PM20D2: variants seen among roughly 807,000 people sequenced by gnomAD.
PM20D2 encodes the protein xaa-Arg dipeptidase.
In PM20D2, 33 loss-of-function variants were observed where a neutral mutation model predicts 42.9. The observed-to-expected ratio is 0.77, with a 90% CI of 0.58 to 1.03. The LOEUF is 1.03. Among genes scored for constraint, PM20D2 ranks in the 50% least tolerant of loss-of-function variants. The pLI is 0.00. For synonymous variants in PM20D2, 250 were observed against 228.2 expected (o/e 1.10, Z -0.86); for missense variants, 548 against 557.0 (o/e 0.98, Z 0.16).
chr6:89,125,262 C>T, the PM20D2 span, among the ~76,000 whole-genome samples: 2 of 152,204 alleles, frequency 1.3e-5, no homozygotes, highest in African/African-American at 4.8e-5. Context: ...GGGCGGATCA[C>T]GAGGTCAGGA....
At chr6:89,105,661 T>A in the PM20D2 span, 19 of 608,650 alleles carry the variant, frequency 3.1e-5, no homozygotes, top group East Asian at 5.5e-4. Flanking sequence ...TTCAATATAA[T>A]ATGAATAATC....
intron 4 of PM20D2, among the ~76,000 whole-genome samples, 199 bp downstream of exon 4, chr6:89,155,101 G>A (rs1770993470): frequency 6.6e-6 from 1 of 151,964 alleles, no homozygotes. Flanking sequence ...AAGATGACAG[G>A]TCATCTTACT....
rs1771380054 is a variant in PM20D2 at position 89,165,211 on chromosome 6, T to A, written c.*2948T>A. The A allele has an allele frequency of 6.6e-6, 1 of 152,142 alleles. No individual in the cohort carries two copies. The highest frequency in any genetic ancestry group is 2.4e-5 in the African/African-American group (1 of 41,450). 9.4% of individuals were successfully genotyped at this position (152,142 alleles called of 1,614,324 possible). A position where few individuals can be genotyped will look rare whatever the true frequency, so the allele number is the denominator to read the frequency against. ...TTTTAAAAACCTGTCTGATGGTGTT[T>A]TATACATTTCTAACTTTTTACCTGA... On this transcript the variant is annotated 3_prime_UTR_variant, in exon 7 of 7. Transcript: ENST00000275072.
the PM20D2 span, chr6:89,117,979 G>A: frequency 7.2e-6 from 10 of 1,380,550 alleles, no homozygotes; most frequent in South Asian, 4.0e-5. Context: ...GAGCTCCGCC[G>A]GCCCCCGGCG....
chr6:89,128,178 A>G, the PM20D2 span, among the ~76,000 whole-genome samples: 10 of 152,200 alleles, frequency 6.6e-5, no homozygotes, highest in East Asian at 1.7e-3. Context: ...TGGACATGCA[A>G]GTAGGAGAGA....
the PM20D2 span, chr6:89,096,369 TGC>T: frequency 6.6e-6 from 1 of 152,192 alleles, no homozygotes; most frequent in South Asian, 2.1e-4. Flanking sequence ...CAAAAGTAAT[TGC>T]GGGATATTTA....
the PM20D2 span, among the ~76,000 whole-genome samples, chr6:89,122,086 A>T: frequency 6.6e-6 from 1 of 152,212 alleles, no homozygotes; most frequent in Non-Finnish European, 1.5e-5. Flanking sequence ...ATCTATTTAT[A>T]ATGTTTGGTT....
At chr6:89,156,487 A>G (rs553445805) in intron 4 of PM20D2, among the ~76,000 whole-genome samples, 3 of 152,340 alleles carry the variant, frequency 2.0e-5, no homozygotes, top group Admixed American at 6.5e-5. Flanking sequence ...GCCTTCATTT[A>G]TATTGCCTTA....
the PM20D2 span, among the ~76,000 whole-genome samples, chr6:89,115,392 C>T: frequency 6.6e-5 from 10 of 152,176 alleles, no homozygotes; most frequent in African/African-American, 2.2e-4. Context: ...AAGCGATTCT[C>T]GTGCCTCAGT....
At chr6:89,104,440 G>A in the PM20D2 span, among the ~76,000 whole-genome samples, 1 of 151,358 alleles carries the variant, frequency 6.6e-6, no homozygotes, top group Non-Finnish European at 1.5e-5. Context: ...GTTTCATCAT[G>A]TTGGTCAGTT....
chr6:89,149,826 C>A (rs1022635591), intron 2 of PM20D2, among the ~76,000 whole-genome samples: 1 of 152,152 alleles, frequency 6.6e-6, no homozygotes. Context: ...GAGTTCTTTG[C>A]AAAGAGGATA....
At chr6:89,146,016 C>T (rs1044822704), upstream of PM20D2, 5 of 804,160 alleles carry the variant, frequency 6.2e-6, no homozygotes, top group Non-Finnish European at 8.6e-6. Context: ...GGGTGGTGCC[C>T]TGGGAGCTGT....
the PM20D2 span, chr6:89,096,262 C>G: frequency 6.6e-6 from 1 of 152,182 alleles, no homozygotes. Context: ...GACTCTGAAG[C>G]CCAGTCACTC....
chr6:89,133,810 A>T, the PM20D2 span, among the ~76,000 whole-genome samples: 2 of 151,356 alleles, frequency 1.3e-5, no homozygotes, highest in Non-Finnish European at 2.9e-5. Context: ...GGGATAGCAG[A>T]ACAGAAGTGT....
At position 89,149,323 on chromosome 6, in the gene PM20D2, A is replaced by C. The variant is rs1340754932; in HGVS notation, c.524A>C (p.Glu175Ala). 1 of 1,613,948 alleles carries C rather than the reference A, an allele frequency of 6.2e-7. No individual in the cohort carries two copies. The highest frequency in any genetic ancestry group is 1.3e-5 in the African/African-American group (1 of 74,904). Residue 175 changes from glutamate (E) to alanine (A), a missense_variant, in exon 2 of 7, where the codon GAA (glutamate) becomes GCA (alanine). By Grantham distance (107) the Glu-to-Ala change is moderately radical (BLOSUM62 -1). This residue lies in a region of PM20D2 where 470 missense variants were observed against 464.4 expected (regional missense o/e 1.01). Coordinates refer to ENST00000275072, the MANE Select transcript of PM20D2 (RefSeq NM_001010853.3). ...EDGGGKIDLI[E>A]AGAFTNLDVV... The stretch of plus-strand genomic sequence containing the variant: ...GGTGGTGGCAAAATTGATTTAATTG[A>C]AGCAGGGGCTTTTACAAATCTTGAT...
At chr6:89,125,606 C>A in the PM20D2 span, among the ~76,000 whole-genome samples, 39 of 151,746 alleles carry the variant, frequency 2.6e-4, no homozygotes, top group South Asian at 8.1e-3. Context: ...AATGGTGAAA[C>A]CCCGTCTCTA....
chr6:89,107,904 C>CG, the PM20D2 span, among the ~76,000 whole-genome samples: 2 of 152,182 alleles, frequency 1.3e-5, no homozygotes, highest in East Asian at 3.8e-4. Context: ...ATATCCACCT[C>CG]TGAAAGTTAT....
At chr6:89,137,747 A>G in the PM20D2 span, among the ~76,000 whole-genome samples, 2 of 152,176 alleles carry the variant, frequency 1.3e-5, no homozygotes, top group African/African-American at 2.4e-5. Context: ...GCAATATGAA[A>G]ATTTTACAGC....
chr6:89,135,985 AT>A, the PM20D2 span, among the ~76,000 whole-genome samples: 2 of 151,178 alleles, frequency 1.3e-5, no homozygotes, highest in Non-Finnish European at 2.9e-5. Flanking sequence ...GGCCCTGAAC[AT>A]TTACCTGTGC....
Sources: allele counts gnomAD v4.1 joint callset (sites outside exome capture counted in the v4.1 genomes callset), GRCh38; gene constraint gnomAD v4.1.1; regional missense constraint gnomAD v4.1.1; transcripts MANE v1.5; gene names NCBI Gene and HGNC (gene_info 2026-07-23, HGNC 2026-07-21).